Variants in QRICH1 observed in about 807,000 individuals in gnomAD.
The protein encoded by QRICH1 is transcriptional regulator QRICH1.
A neutral mutation model predicts 87.1 loss-of-function variants in QRICH1; 16 were observed. The ratio of observed to expected loss-of-function variants is 0.18; its 90% CI spans 0.12 to 0.28. QRICH1 has a LOEUF of 0.28. QRICH1 is among the 10% of genes least tolerant of loss of function. The pLI is 1.00. For synonymous variants in QRICH1, 367 were observed against 368.4 expected, an observed-to-expected ratio of 1.00 and a Z score of 0.05; for missense variants, 647 against 951.7, an observed-to-expected ratio of 0.68 and a Z score of 4.21.
At chr3:49,038,885 G>A (rs2093292722) in intron 6 of QRICH1, among the ~76,000 whole-genome samples, 1 of 152,020 alleles carries the variant, frequency 6.6e-6, no homozygotes, top group Admixed American at 6.6e-5. Context: ...AAATTATCCG[G>A]GTGTGGCAGC....
chr3:49,058,144 A>G, intron 2 of QRICH1: 1 of 565,162 alleles, frequency 1.8e-6, no homozygotes, highest in Non-Finnish European at 2.9e-6. Flanking sequence ...AAAAGGAAAT[A>G]CCAAAAAAAA....
intron 2 of QRICH1, 168 bp from the exon 3 acceptor site, chr3:49,058,058 T>C (rs1403867637): frequency 2.0e-5 from 24 of 1,221,646 alleles, no homozygotes; most frequent in African/African-American, 6.1e-5. Context: ...AGATCCAGGA[T>C]TGTCCAGCAG....
chr3:49,079,487 TATTATA>T (rs946983473), intron 1 of QRICH1, among the ~76,000 whole-genome samples: 9 of 147,826 alleles, frequency 6.1e-5, no homozygotes, highest in East Asian at 1.9e-4. Context: ...AATATAAAAA[TATTATA>T]ATTATAATAA....
At chr3:49,041,594 C>CTA (rs2093310085) in intron 6 of QRICH1, among the ~76,000 whole-genome samples, 2 of 151,904 alleles carry the variant, frequency 1.3e-5, no homozygotes, top group Admixed American at 1.3e-4. Flanking sequence ...TCCCAAAGTG[C>CTA]TAGGATTATG....
chr3:49,047,103 C>A lies in QRICH1; in HGVS notation c.1482G>T (p.Glu494Asp), dbSNP rs2093343224. 6.2e-7 allele frequency: 1 copy of A among 1,614,054 alleles called. No homozygotes were observed. The highest frequency in any genetic ancestry group is 1.7e-5 in the Admixed American group (1 of 60,002). Residue 494 changes from glutamate (E) to aspartate (D), a missense_variant, in exon 4 of 10, where the codon GAG (glutamate) becomes GAT (aspartate). By Grantham distance (45) the Glu-to-Asp change is conservative. Around this residue, in one of 7 missense-constraint regions of QRICH1, gnomAD observed 187 missense variants for 309.5 expected, o/e 0.60. Transcript: ENST00000395443. ...GTGCCAATCTGTTCTGAGCATCCTT[C>A]TCTAGTTCAGCATTCTTGGTCTGGG... ...NWAQTKNAEL[E>D]KDAQNRLAPI...
At chr3:49,083,571 G>A (rs1302549572) in intron 1 of QRICH1, 2 of 151,970 alleles carry the variant, frequency 1.3e-5, no homozygotes, top group South Asian at 4.2e-4. Context: ...AAACAAGCTT[G>A]AGGTAGGAAA....
At chr3:49,077,655 T>A (rs1051105335) in intron 1 of QRICH1, among the ~76,000 whole-genome samples, 2 of 152,204 alleles carry the variant, frequency 1.3e-5, no homozygotes, top group Non-Finnish European at 2.9e-5. Context: ...TGGGTTCAAA[T>A]CCCAACTTTA....
At chr3:49,050,295 C>A (rs1177284420) in intron 3 of QRICH1, among the ~76,000 whole-genome samples, 9 of 136,956 alleles carry the variant, frequency 6.6e-5, no homozygotes, top group Middle Eastern at 7.4e-3. Context: ...TGGTAGCACA[C>A]GCCTGTAATC....
At chr3:49,094,365 G>C (rs2042340764), upstream of QRICH1, 1 of 258,422 alleles carries the variant, frequency 3.9e-6, no homozygotes, top group Non-Finnish European at 7.3e-6. Context: ...GCCTCCTTTG[G>C]TCGAGCACGC....
At chr3:49,080,711 C>T (rs1372373326) in intron 1 of QRICH1, among the ~76,000 whole-genome samples, 1 of 151,882 alleles carries the variant, frequency 6.6e-6, no homozygotes, top group African/African-American at 2.4e-5. Context: ...GATAATTTCA[C>T]CGACTTTTCT....
intron 2 of QRICH1, among the ~76,000 whole-genome samples, chr3:49,068,327 G>A (rs2106946435): frequency 6.6e-6 from 1 of 152,070 alleles, no homozygotes; most frequent in African/African-American, 2.4e-5. Flanking sequence ...ACTCTACTCT[G>A]TAGCCTATAG....
At chr3:49,066,857 G>T (rs2093471559) in intron 2 of QRICH1, among the ~76,000 whole-genome samples, 1 of 151,904 alleles carries the variant, frequency 6.6e-6, no homozygotes, top group South Asian at 2.1e-4. Context: ...GGCCAACATG[G>T]TTAAACCCCG....
chr3:49,068,645 TG>T (rs1198548987), intron 2 of QRICH1, among the ~76,000 whole-genome samples: 2 of 151,320 alleles, frequency 1.3e-5, no homozygotes, highest in East Asian at 2.0e-4. Flanking sequence ...TTTTTTTTTT[TG>T]TGATGGGGTC....
At chr3:49,031,440 T>G (rs2093238930) in intron 9 of QRICH1, among the ~76,000 whole-genome samples, 1 of 152,182 alleles carries the variant, frequency 6.6e-6, no homozygotes, top group Non-Finnish European at 1.5e-5. Context: ...CAAGATTTAT[T>G]CAAGGGTTAC....
intron 3 of QRICH1, 56 bp downstream of exon 3, chr3:49,056,806 C>T (rs2106902828): frequency 6.2e-7 from 1 of 1,612,906 alleles, no homozygotes; most frequent in Non-Finnish European, 8.5e-7. Context: ...AAGCTCTGTG[C>T]TGCACTGGGC....
At chr3:49,061,405 TAC>T (rs1205588065) in intron 2 of QRICH1, among the ~76,000 whole-genome samples, 4 of 152,084 alleles carry the variant, frequency 2.6e-5, no homozygotes, top group African/African-American at 7.2e-5. Flanking sequence ...CTGATAACAA[TAC>T]AGTTACTGTC....
At chr3:49,080,977 A>AG (rs2042047422) in intron 1 of QRICH1, among the ~76,000 whole-genome samples, 1 of 148,464 alleles carries the variant, frequency 6.7e-6, no homozygotes, top group Non-Finnish European at 1.5e-5. Context: ...AAAAAAAAAA[A>AG]AAAAAAAAAA....
intron 2 of QRICH1, among the ~76,000 whole-genome samples, chr3:49,074,316 T>C (rs1042740497): frequency 6.6e-6 from 1 of 151,988 alleles, no homozygotes; most frequent in Non-Finnish European, 1.5e-5. Flanking sequence ...CTCACACCTG[T>C]AATCCCAGCA....
chr3:49,038,457 G>C (rs2093289169), intron 6 of QRICH1, among the ~76,000 whole-genome samples: 1 of 151,684 alleles, frequency 6.6e-6, no homozygotes, highest in Non-Finnish European at 1.5e-5. Context: ...CTGTTGCCTG[G>C]GCTGGAGTGC....
Sources: allele counts gnomAD v4.1 joint callset (sites outside exome capture counted in the v4.1 genomes callset), GRCh38; gene constraint gnomAD v4.1.1; regional missense constraint gnomAD v4.1.1; transcripts MANE v1.5; gene names NCBI Gene and HGNC (gene_info 2026-07-23, HGNC 2026-07-21).